TENM3: variants seen among roughly 807,000 people sequenced by gnomAD.
The protein encoded by TENM3 is teneurin transmembrane protein 3.
Under a neutral mutation model 255.1 loss-of-function variants are expected in TENM3, and 63 were observed. The ratio of observed to expected loss-of-function variants is 0.25; its 90% CI spans 0.20 to 0.30. The LOEUF (loss-of-function observed/expected upper bound fraction) is 0.30. Ranked by LOEUF, TENM3 falls within the 10% of genes least tolerant of loss-of-function variation. TENM3 has a pLI of 1.00. For synonymous variants in TENM3, 1,306 were observed against 1,322.3 expected (o/e 0.99, Z 0.27); for missense variants, 2,929 against 3,461.1 (o/e 0.85, Z 3.86).
chr4:182,602,025 A>C (rs992060936), intron 4 of TENM3, among the ~76,000 whole-genome samples: 6 of 152,252 alleles, frequency 3.9e-5, no homozygotes, highest in Non-Finnish European at 8.8e-5. Context: ...AAGTATGATC[A>C]GCGAAAGCTG....
At chr4:181,803,937 AAC>A in the TENM3 span, among the ~76,000 whole-genome samples, 3 of 40,594 alleles carry the variant, frequency 7.4e-5, no homozygotes, top group South Asian at 2.0e-3. Flanking sequence ...TTATTATCTC[AAC>A]AAAAAAAAAA....
In TENM3 at chr4:182,799,366, A is replaced by G. The variant is rs185160126; in HGVS notation, c.7345-230A>G. Reference sequence around the variant, plus strand: ...CATGTTAGAAACGAAGAAAGCTTTAAAGTGATCCACGATGAGTGAGCCATT... The same window carrying G: ...CATGTTAGAAACGAAGAAAGCTTTAGAGTGATCCACGATGAGTGAGCCATT... On this transcript the variant is annotated intron_variant, in intron 27 of 27. Transcript: ENST00000511685. The surrounding 1 kb of genome is among the most constrained non-coding windows in gnomAD (Gnocchi z 4.2). 7.9e-5 allele frequency among the ~76,000 whole-genome samples: 12 copies of G among 152,328 alleles called. No homozygotes were observed. The highest frequency in any genetic ancestry group is 2.0e-4 in the Admixed American group (3 of 15,314).
At chr4:181,982,316 T>C in the TENM3 span, among the ~76,000 whole-genome samples, 1 of 152,102 alleles carries the variant, frequency 6.6e-6, no homozygotes, top group East Asian at 1.9e-4. Context: ...AGTGAAAACC[T>C]TTCCAAAAAA....
chr4:181,457,425 T>C, the TENM3 span, among the ~76,000 whole-genome samples: 1 of 151,878 alleles, frequency 6.6e-6, no homozygotes. Context: ...TCTCTCTCCT[T>C]CTTGGTAGTC....
chr4:182,489,381 G>C (rs1020391921), intron 3 of TENM3, among the ~76,000 whole-genome samples: 1 of 152,132 alleles, frequency 6.6e-6, no homozygotes, highest in Admixed American at 6.5e-5. Flanking sequence ...ATGATTTAGA[G>C]TAGAAATTTC....
chr4:182,565,559 A>G lies in TENM3; in HGVS notation c.512-35365A>G, dbSNP rs367644289. Among the ~76,000 whole-genome samples the G allele has an allele frequency of 4.8e-4, 73 of 152,338 alleles. No homozygotes were observed. The South Asian group carries it at 0.014, about 30-fold the overall frequency. On this transcript the variant is annotated intron_variant, in intron 3 of 27. Transcript: ENST00000511685. ...AGTACCTCCAGGAATGACCTTAATT[A>G]TTGAAATTAGCATCCCTCATACCAA...
the TENM3 span, among the ~76,000 whole-genome samples, chr4:181,725,176 T>A: frequency 2.8e-4 from 42 of 152,328 alleles, no homozygotes; most frequent in African/African-American, 9.9e-4. Flanking sequence ...AATACATTAC[T>A]GCCCATCTTT....
At chr4:182,688,787 G>A (rs1403663447) in intron 12 of TENM3, among the ~76,000 whole-genome samples, 2 of 152,030 alleles carry the variant, frequency 1.3e-5, no homozygotes, top group East Asian at 3.9e-4. Context: ...GCTTAGACTT[G>A]TCCATATCTT....
At chr4:181,845,645 T>C in the TENM3 span, among the ~76,000 whole-genome samples, 5 of 152,252 alleles carry the variant, frequency 3.3e-5, no homozygotes, top group Non-Finnish European at 5.9e-5. Context: ...ATAAAATTTC[T>C]GCCTGCTTTG....
At chr4:181,955,672 T>C in the TENM3 span, among the ~76,000 whole-genome samples, 40 of 152,294 alleles carry the variant, frequency 2.6e-4, no homozygotes, top group African/African-American at 8.2e-4. Context: ...GCGCAGGTCC[T>C]AGATTTAGCA....
At chr4:181,922,440 A>T in the TENM3 span, among the ~76,000 whole-genome samples, 2 of 152,160 alleles carry the variant, frequency 1.3e-5, no homozygotes, top group Non-Finnish European at 2.9e-5. Flanking sequence ...CAGAAATTCA[A>T]CTTCTTCCTG....
intron 3 of TENM3, among the ~76,000 whole-genome samples, chr4:182,417,626 T>C (rs1770488223): frequency 6.6e-6 from 1 of 152,102 alleles, no homozygotes; most frequent in Admixed American, 6.6e-5. Context: ...AAAGTCACTT[T>C]GAGGGGGAAA....
chr4:181,650,059 G>A, the TENM3 span, among the ~76,000 whole-genome samples: 1 of 152,196 alleles, frequency 6.6e-6, no homozygotes, highest in African/African-American at 2.4e-5. Context: ...CAGAGCATAT[G>A]TGCTTCTGAT....
At chr4:182,477,212 A>G (rs1733759031) in intron 3 of TENM3, among the ~76,000 whole-genome samples, 1 of 152,200 alleles carries the variant, frequency 6.6e-6, no homozygotes, top group Non-Finnish European at 1.5e-5. Flanking sequence ...AGCACTTTAC[A>G]GTCTAGAACC....
the TENM3 span, among the ~76,000 whole-genome samples, chr4:181,888,283 G>A: frequency 2.6e-5 from 4 of 151,040 alleles, no homozygotes; most frequent in Admixed American, 2.0e-4. Flanking sequence ...CACCCGCTTC[G>A]GCCTCCCAAA....
At chr4:182,735,511 G>A (rs1025703960) in intron 16 of TENM3, among the ~76,000 whole-genome samples, 1 of 152,198 alleles carries the variant, frequency 6.6e-6, no homozygotes, top group Non-Finnish European at 1.5e-5. Flanking sequence ...TGTGGAGGTG[G>A]TGGGGAAAGG....
chr4:181,627,867 G>A, the TENM3 span, among the ~76,000 whole-genome samples: 1 of 152,162 alleles, frequency 6.6e-6, no homozygotes, highest in East Asian at 1.9e-4. Flanking sequence ...GGGGATGGCT[G>A]GGTCAAATGG....
At position 182,323,978 on chromosome 4, in the gene TENM3, G is replaced by A. The variant is rs779788951; in HGVS notation, c.-43G>A. The A allele has an allele frequency of 2.6e-5, 41 of 1,561,114 alleles. No individual in the cohort carries two copies. Among genetic ancestry groups the A allele is most frequent in the Non-Finnish European group, 3.6e-5 (41 of 1,141,130 alleles). On this transcript the variant is annotated 5_prime_UTR_variant, in exon 2 of 28. Coordinates refer to ENST00000511685, the MANE Select transcript of TENM3 (RefSeq NM_001080477.4). Reference sequence around the variant, plus strand: ...AATGAGACTTGAACCCTGAGCCTAAGTTGTCACCAGCAGGACTGATGTGCA... The same window carrying A: ...AATGAGACTTGAACCCTGAGCCTAAATTGTCACCAGCAGGACTGATGTGCA...
intron 1 of TENM3, among the ~76,000 whole-genome samples, chr4:182,302,474 G>A (rs181808041): frequency 6.6e-6 from 1 of 152,192 alleles, no homozygotes; most frequent in Admixed American, 6.5e-5. Flanking sequence ...GAGAGTTTGT[G>A]TTTTAAGTGG....
Sources: gnomAD v4.1 joint callset for allele counts (sites outside exome capture counted in the v4.1 genomes callset) on GRCh38, gnomAD v4.1.1 for gene constraint, Gnocchi (gnomAD v3.1) non-coding constraint, MANE v1.5 for transcripts, NCBI Gene and HGNC (gene_info 2026-07-23, HGNC 2026-07-21) for gene names.